Variants in BABAM2 observed in about 807,000 individuals in gnomAD.
The protein encoded by BABAM2 is BRISC and BRCA1-A complex member 2.
A neutral mutation model predicts 54.7 loss-of-function variants in BABAM2; 31 were observed. That is an observed-to-expected ratio of 0.57 (90% confidence interval 0.43 to 0.77). The LOEUF (loss-of-function observed/expected upper bound fraction) is 0.77, where lower values mean the gene tolerates loss of function less well. Ranked by LOEUF, BABAM2 falls within the 30% of genes least tolerant of loss-of-function variation. BABAM2 has a pLI of 0.00. For synonymous variants in BABAM2, 167 were observed against 162.9 expected, an observed-to-expected ratio of 1.03 and a Z score of -0.19; for missense variants, 364 against 455.8, an observed-to-expected ratio of 0.80 and a Z score of 1.83.
At chr2:28,018,624 T>C (rs978572221) in intron 4 of BABAM2, among the ~76,000 whole-genome samples, 4 of 152,206 alleles carry the variant, frequency 2.6e-5, no homozygotes, top group Non-Finnish European at 4.4e-5. Context: ...TCCCTTTTTT[T>C]ACTTTTATAA....
chr2:28,278,449 G>T (rs1226822622), intron 10 of BABAM2, among the ~76,000 whole-genome samples: 1 of 152,222 alleles, frequency 6.6e-6, no homozygotes, highest in South Asian at 2.1e-4. Context: ...GATTTTGGAG[G>T]TGAGGGAGAG....
intron 7 of BABAM2, among the ~76,000 whole-genome samples, chr2:28,229,987 T>C (rs564880504): frequency 6.6e-6 from 1 of 152,352 alleles, no homozygotes; most frequent in South Asian, 2.1e-4. Flanking sequence ...GAATGTTTTC[T>C]GAGTGCTTAA....
chr2:27,959,958 T>C (rs1670353939), intron 3 of BABAM2, among the ~76,000 whole-genome samples: 2 of 152,194 alleles, frequency 1.3e-5, no homozygotes, highest in African/African-American at 4.8e-5. Flanking sequence ...AAGCATTTTT[T>C]ATGTCTACTT....
At chr2:27,900,772 G>A (rs766402076) in intron 2 of BABAM2, among the ~76,000 whole-genome samples, 15 of 152,118 alleles carry the variant, frequency 9.9e-5, no homozygotes, top group Non-Finnish European at 1.3e-4. Flanking sequence ...GGCCGGGCGC[G>A]GTGGCTCACG....
At chr2:28,050,060 A>G (rs1677889257) in intron 6 of BABAM2, among the ~76,000 whole-genome samples, 1 of 152,200 alleles carries the variant, frequency 6.6e-6, no homozygotes, top group Non-Finnish European at 1.5e-5. Flanking sequence ...GTGAACTAGC[A>G]TGTATGTGCT....
intron 2 of BABAM2, among the ~76,000 whole-genome samples, chr2:27,910,818 T>C (rs901158630): frequency 5.9e-5 from 9 of 152,192 alleles, no homozygotes; most frequent in Non-Finnish European, 1.2e-4. Flanking sequence ...GTTTATCTAC[T>C]GTACTTTTGA....
intron 7 of BABAM2, among the ~76,000 whole-genome samples, chr2:28,132,240 G>A (rs1442792350): frequency 2.0e-5 from 3 of 150,752 alleles, no homozygotes; most frequent in South Asian, 4.2e-4. Context: ...CCGGGTTCAC[G>A]CCATTCTCCT....
chr2:27,904,859 C>T (rs1256888628), intron 2 of BABAM2, among the ~76,000 whole-genome samples: 1 of 152,098 alleles, frequency 6.6e-6, no homozygotes, highest in African/African-American at 2.4e-5. Context: ...GGAATATATG[C>T]TCCAACAAAG....
chr2:28,072,859 A>G (rs1664292709), intron 6 of BABAM2, among the ~76,000 whole-genome samples: 1 of 152,212 alleles, frequency 6.6e-6, no homozygotes, highest in Non-Finnish European at 1.5e-5. Context: ...TAGAACGACT[A>G]CTGTCCTGTA....
At chr2:27,933,764 GTTTT>G (rs59022185) in intron 3 of BABAM2, among the ~76,000 whole-genome samples, 1 of 110,872 alleles carries the variant, frequency 9.0e-6, no homozygotes, top group Non-Finnish European at 1.9e-5. Context: ...TGCCTGGCTT[GTTTT>G]TTTTTTTTTT....
intron 10 of BABAM2, among the ~76,000 whole-genome samples, chr2:28,294,700 T>G (rs1687544054): frequency 6.6e-6 from 1 of 152,244 alleles, no homozygotes; most frequent in Admixed American, 6.5e-5. Context: ...AACTCATTCT[T>G]ATGCATAGAA....
chr2:28,116,115 C>CA lies in BABAM2; in HGVS notation c.571-13143dup, dbSNP rs943748521. Among the ~76,000 whole-genome samples the CA allele has an allele frequency of 2.9e-3, 354 of 123,496 alleles. 1 individual carries two copies. The highest frequency in any genetic ancestry group is 5.9e-3 in the African/African-American group (195 of 33,282). 81.0% of individuals were successfully genotyped at this position (123,496 alleles called of 152,430 possible). ...GGGCAACGAGAGCGAAACTCCGTCT[C>CA]AAAAAAAAAAAAAGAAATTGGGAAG... On this transcript the variant is annotated intron_variant, in intron 6 of 11. Coordinates refer to ENST00000379624, the MANE Select transcript of BABAM2 (RefSeq NM_199191.3).
chr2:27,980,683 T>C (rs559526803), intron 3 of BABAM2, among the ~76,000 whole-genome samples: 1 of 152,298 alleles, frequency 6.6e-6, no homozygotes, highest in African/African-American at 2.4e-5. Flanking sequence ...ATAATGTTTT[T>C]ATTACATGTA....
chr2:27,988,788 C>CA (rs1429427581), intron 4 of BABAM2, among the ~76,000 whole-genome samples: 1 of 152,102 alleles, frequency 6.6e-6, no homozygotes, highest in Admixed American at 6.5e-5. Flanking sequence ...TCTGACCAGA[C>CA]AAAATGTCTC....
intron 2 of BABAM2, among the ~76,000 whole-genome samples, chr2:27,911,414 TAGGG>T (rs1176946361): frequency 6.6e-6 from 1 of 151,778 alleles, no homozygotes; most frequent in East Asian, 1.9e-4. Flanking sequence ...AGGAGAAGGT[TAGGG>T]AGGGAAGAAA....
At chr2:28,333,541 G>A (rs1227522158) in intron 11 of BABAM2, among the ~76,000 whole-genome samples, 2 of 152,178 alleles carry the variant, frequency 1.3e-5, no homozygotes, top group Non-Finnish European at 2.9e-5. Flanking sequence ...GAATTCATGG[G>A]AAACCTACCC....
intron 2 of BABAM2, 138 bp downstream of exon 2, chr2:27,894,822 A>G (rs995449725): frequency 9.8e-6 from 10 of 1,023,194 alleles, no homozygotes; most frequent in African/African-American, 1.6e-5. Flanking sequence ...ATGTTGATTC[A>G]GTTGGTTTTG....
intron 11 of BABAM2, among the ~76,000 whole-genome samples, chr2:28,320,701 G>T (rs1359560356): frequency 1.3e-5 from 2 of 152,202 alleles, no homozygotes; most frequent in Non-Finnish European, 2.9e-5. Flanking sequence ...TGCCCTTCCT[G>T]CTCAGCCTTA....
intron 6 of BABAM2, among the ~76,000 whole-genome samples, chr2:28,118,700 T>G (rs760234921): frequency 6.6e-6 from 1 of 152,226 alleles, no homozygotes; most frequent in South Asian, 2.1e-4. Context: ...TACTTTCTTT[T>G]GCTGTGTAGA....
Sources: gnomAD v4.1 joint callset for allele counts (sites outside exome capture counted in the v4.1 genomes callset) on GRCh38, gnomAD v4.1.1 for gene constraint, MANE v1.5 for transcripts, NCBI Gene and HGNC (gene_info 2026-07-23, HGNC 2026-07-21) for gene names.